Variants in BCL11B observed in about 807,000 individuals in gnomAD.
The protein encoded by BCL11B is B-cell lymphoma/leukemia 11B.
Under a neutral mutation model 49.9 loss-of-function variants are expected in BCL11B, and 8 were observed. The observed-to-expected ratio is 0.16, with a 90% confidence interval of 0.09 to 0.29. The LOEUF (loss-of-function observed/expected upper bound fraction) is 0.29. BCL11B is among the 10% of genes least tolerant of loss of function. The pLI is 1.00. For synonymous variants in BCL11B, 739 were observed against 637.4 expected (o/e 1.16, Z -2.40); for missense variants, 1,006 against 1,351.0 (o/e 0.74, Z 4.00).
chr14:99,231,407 C>T lies in BCL11B; in HGVS notation c.578G>A (p.Gly193Asp). The change falls in exon 3 of 4, where the codon GGT becomes GAT. Residue 193 changes from glycine to aspartate, a missense_variant. This residue lies in a region of BCL11B where 411 missense variants were observed against 542.2 expected (regional missense o/e 0.76). Coordinates refer to ENST00000357195, the MANE Select transcript of BCL11B (RefSeq NM_138576.4). The surrounding 1 kb of genome is among the most constrained non-coding windows in gnomAD (Gnocchi z 8.1). ...CTGACCCTCACCCTGAGTCCCGTCA[C>T]CCGAGACCGGGCGCGCGCTGCAGCA... ...LPCCSARPVS[G>D]DGTQGEGQTE... 1 of 1,598,586 alleles carries T rather than the reference C, an allele frequency of 6.3e-7. No individual in the cohort carries two copies. Among genetic ancestry groups the T allele is most frequent in the East Asian group, 2.2e-5 (1 of 44,634 alleles).
rs74909764 is a variant in BCL11B, at chr14:99,267,649, C to T, written c.58+3512G>A. 5.4e-3 allele frequency among the ~76,000 whole-genome samples: 819 copies of T among 152,030 alleles called. 8 individuals carry two copies. Among genetic ancestry groups the T allele is most frequent in the African/African-American group, 0.019 (776 of 41,456 alleles). ...ACATGTGGACCACTGGAGATATACT[C>T]TACCCTGGGGAGTTAAGATAATTGT... On this transcript the variant is annotated intron_variant, in intron 1 of 3. Coordinates refer to ENST00000357195, the MANE Select transcript of BCL11B (RefSeq NM_138576.4).
At chr14:99,252,587 C>T (rs1019334999) in intron 2 of BCL11B, among the ~76,000 whole-genome samples, 1 of 152,196 alleles carries the variant, frequency 6.6e-6, no homozygotes, top group Non-Finnish European at 1.5e-5. Flanking sequence ...GTAGATCCCG[C>T]GTCCTCCCTA....
chr14:99,188,452 T>C (rs1047898796), intron 3 of BCL11B, among the ~76,000 whole-genome samples: 1 of 152,034 alleles, frequency 6.6e-6, no homozygotes, highest in Non-Finnish European at 1.5e-5. Context: ...GTGGATAGGC[T>C]CTTTTCCTTC....
At chr14:99,199,732 G>A (rs1299301302) in intron 3 of BCL11B, among the ~76,000 whole-genome samples, 4 of 148,342 alleles carry the variant, frequency 2.7e-5, no homozygotes, top group East Asian at 2.0e-4. Flanking sequence ...ATGCATATGT[G>A]TGTGTGTACA....
intron 3 of BCL11B, among the ~76,000 whole-genome samples, chr14:99,200,264 A>T (rs1306041442): frequency 6.6e-6 from 1 of 152,240 alleles, no homozygotes; most frequent in Non-Finnish European, 1.5e-5. Context: ...GGCGCTGGTC[A>T]GTCTTGGGGA....
At chr14:99,260,110 A>G (rs143903142) in intron 1 of BCL11B, among the ~76,000 whole-genome samples, 30 of 152,332 alleles carry the variant, frequency 2.0e-4, no homozygotes, top group Admixed American at 1.3e-3. Flanking sequence ...AAATGGGAGG[A>G]GGATGTCAAA....
chr14:99,211,538 GTGTGCACACAGACATA>G (rs1303609467), intron 3 of BCL11B, among the ~76,000 whole-genome samples: 1 of 152,196 alleles, frequency 6.6e-6, no homozygotes, highest in Non-Finnish European at 1.5e-5. Flanking sequence ...ACATGCACTC[GTGTGCACACAGACATA>G]TGTGCACACA....
chr14:99,216,011 C>T (rs1490564171), intron 3 of BCL11B, among the ~76,000 whole-genome samples: 1 of 152,110 alleles, frequency 6.6e-6, no homozygotes, highest in Non-Finnish European at 1.5e-5. Context: ...CCCAGGGAAG[C>T]GGCAATGACA....
chr14:99,216,460 C>T (rs972711618), intron 3 of BCL11B, among the ~76,000 whole-genome samples: 1 of 152,202 alleles, frequency 6.6e-6, no homozygotes, highest in Admixed American at 6.5e-5. Context: ...CTTCCACAGC[C>T]CTTATTCTCT....
rs972427037 is a variant in BCL11B, at chr14:99,228,488, G to A, written c.640+2857C>T. ...GGCAGAGGGCAGGAGGTAAGAGCAG[G>A]CCCCTTAGAAGGGTCTCCTGGAGCA... On this transcript the variant is annotated intron_variant, in intron 3 of 3. Transcript: ENST00000357195. This position sits in a 1 kb window ranked among gnomAD's most constrained non-coding sequence, Gnocchi z 4.8. Among the ~76,000 whole-genome samples the A allele has an allele frequency of 6.6e-6, 1 of 152,116 alleles. No individual in the cohort carries two copies. Among genetic ancestry groups the A allele is most frequent in the Non-Finnish European group, 1.5e-5 (1 of 67,998 alleles).
rs899484044 is a variant in BCL11B at position 99,242,961 on chromosome 14, C to G, written c.428-11404G>C. Among the ~76,000 whole-genome samples the G allele has an allele frequency of 6.6e-6, 1 of 152,126 alleles. No homozygotes were observed. Among genetic ancestry groups the G allele is most frequent in the African/African-American group, 2.4e-5 (1 of 41,424 alleles). On this transcript the variant is annotated intron_variant, in intron 2 of 3. Transcript: ENST00000357195. This position sits in a 1 kb window ranked among gnomAD's most constrained non-coding sequence, Gnocchi z 4.4. ...GGCGGTGAGAATTTCCTCACTGGTC[C>G]GCTTTGAGTTCCTTCCTCACCGGCA... is the stretch of plus-strand genomic sequence containing the variant.
At chr14:99,179,608 C>T (rs760758717) in intron 3 of BCL11B, among the ~76,000 whole-genome samples, 16 of 152,074 alleles carry the variant, frequency 1.1e-4, no homozygotes, top group Admixed American at 7.9e-4. Context: ...CAGGGCCACC[C>T]GTCCTGCCTG....
rs1595215666 is a variant in BCL11B at position 99,175,426 on chromosome 14, G to A, written c.1410C>T (p.Leu470=). The A allele has an allele frequency of 6.2e-7, 1 of 1,610,336 alleles. No homozygotes were observed. The highest frequency in any genetic ancestry group is 1.3e-5 in the African/African-American group (1 of 74,728). ...CDHACSQASK[L]KRHMKTHMHK... ...GCATGTGCGTCTTCATGTGGCGCTT[G>A]AGCTTGCTGGCCTGCGAGCACGCGT... Residue 470 remains leucine (L), a synonymous_variant, in exon 4 of 4, where the codon CTC becomes CTT. Transcript: ENST00000357195.
intron 3 of BCL11B, among the ~76,000 whole-genome samples, chr14:99,188,537 C>CCTGGGGCTGGGGCTGGGGCTGGGG (rs71110575): frequency 1.2e-4 from 17 of 136,076 alleles, no homozygotes; most frequent in African/African-American, 3.7e-4. Context: ...CAATGGCTGG[C>CCTGGGGCTGGGGCTGGGGCTGGGG]CTGGGGCTGG....
rs1489021963 is a variant in BCL11B at position 99,174,743 on chromosome 14, G to C, written c.2093C>G (p.Pro698Arg). Residue 698 changes from proline to arginine, a missense_variant, in exon 4 of 4, where the codon CCC becomes CGC. By Grantham distance (103) the Pro-to-Arg change is moderately radical. This residue lies in a region of BCL11B where 443 missense variants were observed against 499.7 expected (regional missense o/e 0.89). Transcript: ENST00000357195. ...GTTCTCGGACGGGATGAGCGCGGCG[G>C]GCGGCAGCTCCAGGTCCTTCTCCAC... is the stretch of plus-strand genomic sequence containing the variant. Reference protein sequence around the residue: ...IKVEKDLELPPAALIPSENVY... With the variant: ...IKVEKDLELPRAALIPSENVY... 2 of 1,526,004 alleles carry C rather than the reference G, an allele frequency of 1.3e-6. No individual in the cohort carries two copies. Among genetic ancestry groups the C allele is most frequent in the Admixed American group, 2.0e-5 (1 of 50,934 alleles). The allele number at this position is 1,526,004 out of a possible 1,614,324, so 94.5% of individuals were successfully genotyped here.
chr14:99,222,240 T>C (rs1888030841), intron 3 of BCL11B, among the ~76,000 whole-genome samples: 1 of 137,566 alleles, frequency 7.3e-6, no homozygotes, highest in Admixed American at 7.7e-5. Context: ...GGGCTATTAT[T>C]TCTTTCGCTC....
intron 3 of BCL11B, among the ~76,000 whole-genome samples, chr14:99,216,213 G>T (rs1288573761): frequency 6.6e-6 from 1 of 152,188 alleles, no homozygotes; most frequent in Non-Finnish European, 1.5e-5. Flanking sequence ...TCCGTAAAAT[G>T]GGGATGTGAA....
Position 99,171,411 on chromosome 14 carries a change from G to GT in BCL11B, c.*2739dup. ...AAAAATATATTATGGCAGCCTGTTT[G>GT]TTTTTGTTTTTTTTTTCTTTTTATT... is the stretch of plus-strand genomic sequence containing the variant. On this transcript the variant is annotated 3_prime_UTR_variant, in exon 4 of 4. Coordinates refer to ENST00000357195, the MANE Select transcript of BCL11B (RefSeq NM_138576.4). 1 of 210,520 alleles carries GT rather than the reference G, an allele frequency of 4.8e-6. No homozygotes were observed. The highest frequency in any genetic ancestry group is 2.3e-5 in the African/African-American group (1 of 43,506). 13.0% of individuals were successfully genotyped at this position (210,520 alleles called of 1,614,324 possible). A position where few individuals can be genotyped will look rare whatever the true frequency, so the allele number is the denominator to read the frequency against.
rs1886505687 is a variant in BCL11B, at chr14:99,175,895, G to A, written c.941C>T (p.Pro314Leu). ...GCGCGGCGGGGGACTGAAGAGAGGC[G>A]GCGTGCCCGGCAGGCGGCCCTCGCC... ...GFGEGRLPGTPPLFSPPPRHH... is the reference protein window; with the variant it reads ...GFGEGRLPGTLPLFSPPPRHH... The change falls in exon 4 of 4, where the codon CCG becomes CTG. Residue 314 changes from proline (P) to leucine (L), a missense_variant. Around this residue, in one of 6 missense-constraint regions of BCL11B, gnomAD observed 411 missense variants for 542.2 expected, o/e 0.76. Transcript: ENST00000357195. 7 of 1,457,314 alleles carry A rather than the reference G, an allele frequency of 4.8e-6. No individual in the cohort carries two copies. The highest frequency in any genetic ancestry group is 1.5e-5 in the South Asian group (1 of 68,704). The allele number at this position is 1,457,314 out of a possible 1,614,324, so 90.3% of individuals were successfully genotyped here. A position where few individuals can be genotyped will look rare whatever the true frequency, so the allele number is the denominator to read the frequency against.
Sources: gnomAD v4.1 joint callset for allele counts (sites outside exome capture counted in the v4.1 genomes callset) on GRCh38, gnomAD v4.1.1 for gene constraint, gnomAD v4.1.1 regional missense constraint, Gnocchi (gnomAD v3.1) non-coding constraint, MANE v1.5 for transcripts, NCBI Gene and HGNC (gene_info 2026-07-23, HGNC 2026-07-21) for gene names.